Variants in WDR62 observed in about 807,000 individuals in gnomAD.
WDR62 encodes the protein WD repeat domain 62.
Under a neutral mutation model 160.6 loss-of-function variants are expected in WDR62, and 112 were observed. That is an observed-to-expected ratio of 0.70 (90% CI 0.60 to 0.82). The LOEUF (loss-of-function observed/expected upper bound fraction) is 0.82. Among genes scored for constraint, WDR62 ranks in the 40% least tolerant of loss-of-function variants. The pLI is 0.00. For synonymous variants in WDR62, 792 were observed against 815.1 expected (o/e 0.97, Z 0.48); for missense variants, 1,819 against 1,983.8 (o/e 0.92, Z 1.58).
At position 36,101,262 on chromosome 19, in the gene WDR62, C is replaced by T. The variant is rs781264395; in HGVS notation, c.2916C>T (p.Gly972=). ...AGGCCGGGCCTGGAGACCAGCAGGG[C>T]GACTCCTACCTCAGGGTGTCCTCCG... ...EVEAGPGDQQ[G]DSYLRVSSDS... Residue 972 remains glycine, a synonymous_variant, in exon 24 of 32, where the codon GGC becomes GGT. Transcript: ENST00000401500. 1.7e-5 allele frequency: 28 copies of T among 1,612,980 alleles called. No individual in the cohort carries two copies. Among genetic ancestry groups the T allele is most frequent in the Non-Finnish European group, 2.2e-5 (26 of 1,179,836 alleles).
chr19:36,110,783 G>C, the WDR62 span, among the ~76,000 whole-genome samples: 28 of 152,194 alleles, frequency 1.8e-4, no homozygotes, highest in Admixed American at 8.5e-4. Flanking sequence ...TCCTCAGACA[G>C]CTGCTGTGAT....
chr19:36,065,850 C>A, intron 3 of WDR62, 108 bp from the exon 4 acceptor site: 1 of 1,116,640 alleles, frequency 9.0e-7, no homozygotes, highest in East Asian at 2.3e-5. Context: ...TGGCCTCTTC[C>A]GAGGCTTGGG....
downstream of WDR62, among the ~76,000 whole-genome samples, chr19:36,108,846 C>T (rs191036881): frequency 7.6e-6 from 1 of 131,808 alleles, no homozygotes; most frequent in African/African-American, 3.0e-5. Flanking sequence ...AAAGCAAGGC[C>T]CTGTCTCAAA....
chr19:36,093,907 A>G, intron 19 of WDR62, 124 bp from the exon 20 acceptor site: 1 of 1,216,890 alleles, frequency 8.2e-7, no homozygotes, highest in Non-Finnish European at 1.2e-6. Context: ...TGCCAGCACC[A>G]TCTTGACCAG....
At chr19:36,057,422 A>T (rs1970426375) in intron 1 of WDR62, among the ~76,000 whole-genome samples, 1 of 152,142 alleles carries the variant, frequency 6.6e-6, no homozygotes, top group East Asian at 1.9e-4. Flanking sequence ...ATAAGACAAC[A>T]TGAGTGCCAT....
chr19:36,055,104 C>T lies in WDR62; in HGVS notation c.133C>T (p.Arg45Trp). 6.2e-7 allele frequency: 1 copy of T among 1,606,444 alleles called. No homozygotes were observed. Among genetic ancestry groups the T allele is most frequent in the Non-Finnish European group, 8.5e-7 (1 of 1,177,534 alleles). The stretch of plus-strand genomic sequence containing the variant: ...CGCCCCACCAATCTGCCTACGGCGG[C>T]GGACGCGACTCTCGACGGCCTCCGA... ...PPAPPICLRR[R>W]TRLSTASEET... Residue 45 changes from arginine (R) to tryptophan (W), a missense_variant, in exon 1 of 32, where the codon CGG (arginine) becomes TGG (tryptophan). By Grantham distance (101) the Arg-to-Trp change is moderately radical (BLOSUM62 -3). This residue lies in a region of WDR62 where 115 missense variants were observed against 92.4 expected (regional missense o/e 1.24). Transcript: ENST00000401500.
intron 3 of WDR62, among the ~76,000 whole-genome samples, chr19:36,064,132 G>T (rs1404320183): frequency 5.3e-5 from 8 of 152,224 alleles, no homozygotes. Context: ...CACAAGGTCA[G>T]GGCATGCGAC....
chr19:36,096,976 C>A, intron 20 of WDR62, 51 bp from the exon 21 acceptor site: 1 of 1,556,502 alleles, frequency 6.4e-7, no homozygotes, highest in Non-Finnish European at 8.8e-7. Context: ...ATGTATGTGG[C>A]CTGTTTGTTG....
chr19:36,093,691 T>C (rs1443920570), intron 19 of WDR62, among the ~76,000 whole-genome samples: 1 of 152,172 alleles, frequency 6.6e-6, no homozygotes, highest in African/African-American at 2.4e-5. Flanking sequence ...CAAGGGTGTT[T>C]TAGTTTCCCG....
At chr19:36,081,076 C>T (rs1971869488) in intron 9 of WDR62, among the ~76,000 whole-genome samples, 1 of 152,228 alleles carries the variant, frequency 6.6e-6, no homozygotes, top group African/African-American at 2.4e-5. Context: ...CAGGCATGCG[C>T]CACCTCCCCT....
At chr19:36,058,413 C>T (rs1349133196) in intron 1 of WDR62, among the ~76,000 whole-genome samples, 2 of 152,214 alleles carry the variant, frequency 1.3e-5, no homozygotes, top group Non-Finnish European at 2.9e-5. Context: ...CCGCGGCATT[C>T]GCCCCCTTCC....
At chr19:36,064,878 C>T (rs931136901) in intron 3 of WDR62, among the ~76,000 whole-genome samples, 1 of 152,212 alleles carries the variant, frequency 6.6e-6, no homozygotes, top group Non-Finnish European at 1.5e-5. Flanking sequence ...CCGCACCCGG[C>T]CCCCATTCCT....
rs757819323 is a variant in WDR62, at chr19:36,101,324, G to A, written c.2971+7G>A. ...GACCAGAGCCCGCCTGAGGGTGAGT[G>A]CAGGGCAGGCAGGGACCCTGTGACA... On this transcript the variant is annotated splice_region_variant and intron_variant, in intron 24 of 31. Transcript: ENST00000401500. The A allele has an allele frequency of 1.6e-5, 26 of 1,602,752 alleles. No homozygotes were observed. Among genetic ancestry groups the A allele is most frequent in the Non-Finnish European group, 2.2e-5 (26 of 1,174,424 alleles).
chr19:36,090,382 C>A, intron 15 of WDR62, 63 bp from the exon 16 acceptor site: 3 of 1,525,814 alleles, frequency 2.0e-6, no homozygotes, highest in South Asian at 1.1e-5. Flanking sequence ...CAGCAAGAGC[C>A]AGAGAATGAG....
chr19:36,058,985 G>T, intron 2 of WDR62, 114 bp downstream of exon 2: 2 of 860,676 alleles, frequency 2.3e-6, no homozygotes, highest in Non-Finnish European at 3.9e-6. Flanking sequence ...AGAATGTGGA[G>T]AATGGGGCCT....
chr19:36,060,953 C>T (rs1156567025), intron 3 of WDR62: 1 of 152,282 alleles, frequency 6.6e-6, no homozygotes, highest in Non-Finnish European at 1.5e-5. Context: ...GAAGGACCCG[C>T]TCCTCTGCCT....
chr19:36,090,620 C>A, intron 16 of WDR62, 100 bp downstream of exon 16: 1 of 1,101,152 alleles, frequency 9.1e-7, no homozygotes, highest in Non-Finnish European at 1.4e-6. Context: ...CCTCAGTGCA[C>A]CGCGCTGCCC....
intron 13 of WDR62, among the ~76,000 whole-genome samples, chr19:36,087,965 T>C (rs532590930): frequency 6.6e-6 from 1 of 152,340 alleles, no homozygotes; most frequent in East Asian, 1.9e-4. Flanking sequence ...AATACGGTAC[T>C]TGGATTCACC....
In WDR62 at chr19:36,081,504, C is replaced by T. The variant is rs927563646; in HGVS notation, c.1305C>T (p.Asn435=). 6.2e-7 allele frequency: 1 copy of T among 1,614,218 alleles called. No homozygotes were observed. The highest frequency in any genetic ancestry group is 8.5e-7 in the Non-Finnish European group (1 of 1,180,042). ...CCTTTCTGACTTGTTCTTCAGACAA[C>T]ACCATTCGCTTCTGGAACTTGGACA... ...SGSFLTCSSD[N]TIRFWNLDSS... is the part of the protein sequence containing the mutation. Residue 435 remains asparagine (N), a synonymous_variant, in exon 10 of 32, where the codon AAC becomes AAT. Coordinates refer to ENST00000401500, the MANE Select transcript of WDR62 (RefSeq NM_001083961.2).
Sources: gnomAD v4.1 joint callset for allele counts (sites outside exome capture counted in the v4.1 genomes callset) on GRCh38, gnomAD v4.1.1 for gene constraint, gnomAD v4.1.1 regional missense constraint, MANE v1.5 for transcripts, NCBI Gene and HGNC (gene_info 2026-07-23, HGNC 2026-07-21) for gene names.